NPR2: variants seen among roughly 807,000 people sequenced by gnomAD.
NPR2 encodes atrial natriuretic peptide receptor 2.
A neutral mutation model predicts 120.7 loss-of-function variants in NPR2; 49 were observed. The observed-to-expected ratio is 0.41, with a 90% CI of 0.32 to 0.52. NPR2 has a LOEUF of 0.52. Among genes scored for constraint, NPR2 ranks in the 20% least tolerant of loss-of-function variants. NPR2 has a pLI of 0.36. For synonymous variants in NPR2, 484 were observed against 519.8 expected (o/e 0.93, Z 0.94); for missense variants, 931 against 1,362.9 (o/e 0.68, Z 4.99).
chr9:35,808,106 T>C lies in NPR2; in HGVS notation c.2713-403T>C. On this transcript the variant is annotated intron_variant, in intron 18 of 21. Transcript: ENST00000342694. This position sits in a 1 kb window ranked among gnomAD's most constrained non-coding sequence, Gnocchi z 4.0. Reference sequence around the variant, plus strand: ...CTTTGGCACAATTACCAAAATCAAATGCCTGCTTTCCTCCTCTCTGACAGT... The same window carrying C: ...CTTTGGCACAATTACCAAAATCAAACGCCTGCTTTCCTCCTCTCTGACAGT... 1 of 1,182,076 alleles carries C rather than the reference T, an allele frequency of 8.5e-7. No homozygotes were observed. The highest frequency in any genetic ancestry group is 1.3e-6 in the Non-Finnish European group (1 of 792,202). 73.2% of individuals were successfully genotyped at this position (1,182,076 alleles called of 1,614,324 possible).
At position 35,808,725 on chromosome 9, in the gene NPR2, C is replaced by A; in HGVS notation, c.2888-30C>A. 2 of 1,612,194 alleles carry A rather than the reference C, an allele frequency of 1.2e-6. No individual in the cohort carries two copies. Among genetic ancestry groups the A allele is most frequent in the Non-Finnish European group, 1.7e-6 (2 of 1,178,162 alleles). On this transcript the variant is annotated intron_variant, in intron 19 of 21. Coordinates refer to ENST00000342694, the MANE Select transcript of NPR2 (RefSeq NM_003995.4). This position sits in a 1 kb window ranked among gnomAD's most constrained non-coding sequence, Gnocchi z 4.0. ...CTCCAGCCCTAGTCTCCACCTTTCC[C>A]AGACTCTCCCAACCTGTTTCTTCTC...
At chr9:35,794,791 A>T (rs1827897420) in intron 2 of NPR2, among the ~76,000 whole-genome samples, 1 of 152,026 alleles carries the variant, frequency 6.6e-6, no homozygotes. Context: ...GGAGAGCTCT[A>T]AGTCTTAAGG....
At chr9:35,799,145 T>C (rs1209506119) in intron 2 of NPR2, among the ~76,000 whole-genome samples, 1 of 152,222 alleles carries the variant, frequency 6.6e-6, no homozygotes, top group South Asian at 2.1e-4. Context: ...ATTTTACTGA[T>C]GACATTAACA....
Position 35,808,498 on chromosome 9 carries a change from C to A in NPR2, c.2713-11C>A. 1 of 1,613,788 alleles carries A rather than the reference C, an allele frequency of 6.2e-7. No individual in the cohort carries two copies. Among genetic ancestry groups the A allele is most frequent in the Non-Finnish European group, 8.5e-7 (1 of 1,179,840 alleles). On this transcript the variant is annotated splice_polypyrimidine_tract_variant and intron_variant, in intron 18 of 21. Transcript: ENST00000342694. The surrounding 1 kb of genome is among the most constrained non-coding windows in gnomAD (Gnocchi z 4.0). Reference sequence around the variant, plus strand: ...AAATAGAGGTGACCTTTTAATCCCCCTCTCAATCAGGTGGAGACGATTGGG... The same window carrying A: ...AAATAGAGGTGACCTTTTAATCCCCATCTCAATCAGGTGGAGACGATTGGG...
In NPR2 at chr9:35,808,439, GTC is replaced by G. The variant is rs896340139; in HGVS notation, c.2713-67_2713-66del. On this transcript the variant is annotated intron_variant, in intron 18 of 21. Transcript: ENST00000342694. The surrounding 1 kb of genome is among the most constrained non-coding windows in gnomAD (Gnocchi z 4.0). ...GATGATTAATGATGGTGTCAAGCTT[GTC>G]TCCCTCTACTTTTTCCCATCCCCAT... 1.3e-6 allele frequency: 2 copies of G among 1,529,484 alleles called. No individual in the cohort carries two copies. Among genetic ancestry groups the G allele is most frequent in the African/African-American group, 2.7e-5 (2 of 73,294 alleles). 94.7% of individuals were successfully genotyped at this position (1,529,484 alleles called of 1,614,324 possible). A position where few individuals can be genotyped will look rare whatever the true frequency, so the allele number is the denominator to read the frequency against.
At position 35,808,340 on chromosome 9, in the gene NPR2, G is replaced by A. The variant is rs1828533533; in HGVS notation, c.2713-169G>A. On this transcript the variant is annotated intron_variant, in intron 18 of 21. Transcript: ENST00000342694. The surrounding 1 kb of genome is among the most constrained non-coding windows in gnomAD (Gnocchi z 4.0). The stretch of plus-strand genomic sequence containing the variant: ...AGAAAGAAGACTTAAAGATTCCCTA[G>A]ACATCTCCTCTCCCCTAGACTCAGG... 1 of 1,493,454 alleles carries A rather than the reference G, an allele frequency of 6.7e-7. No individual in the cohort carries two copies. Among genetic ancestry groups the A allele is most frequent in the African/African-American group, 1.4e-5 (1 of 72,788 alleles). The allele number at this position is 1,493,454 out of a possible 1,614,324, so 92.5% of individuals were successfully genotyped here.
At chr9:35,807,481 C>A (rs1398168000) in intron 18 of NPR2, 83 bp downstream of exon 18, 6 of 1,072,794 alleles carry the variant, frequency 5.6e-6, no homozygotes, top group African/African-American at 1.5e-5. Context: ...CCCCACACAC[C>A]TTACCCACCC....
Position 35,806,161 on chromosome 9 carries a change from G to A in NPR2, c.2300G>A (p.Arg767Gln), listed in dbSNP as rs375273933. The A allele has an allele frequency of 3.0e-5, 48 of 1,614,102 alleles. No individual in the cohort carries two copies. Among genetic ancestry groups the A allele is most frequent in the Non-Finnish European group, 4.1e-5 (48 of 1,180,054 alleles). Residue 767 changes from arginine (R) to glutamine (Q), a missense_variant, in exon 15 of 22, where the codon CGA becomes CAA. Transcript: ENST00000342694. This position sits in a 1 kb window ranked among gnomAD's most constrained non-coding sequence, Gnocchi z 4.6. ...LNEELVLLMERCWAQDPAERP... is the reference protein window; with the variant it reads ...LNEELVLLMEQCWAQDPAERP... ...GAAGAGCTAGTTTTGCTGATGGAGC[G>A]ATGTTGGGCTCAGGACCCAGCTGAG...
chr9:35,800,133 A>G lies in NPR2; in HGVS notation c.1099A>G (p.Lys367Glu). 2 of 1,614,078 alleles carry G rather than the reference A, an allele frequency of 1.2e-6. No homozygotes were observed. The highest frequency in any genetic ancestry group is 1.7e-6 in the Non-Finnish European group (2 of 1,179,908). Reference sequence around the variant, plus strand: ...GGAGGATGGACTTCGAATTGTGGAAAAGATGCAGGGACGAAGATATCACGG... The same window carrying G: ...GGAGGATGGACTTCGAATTGTGGAAGAGATGCAGGGACGAAGATATCACGG... Reference protein sequence around the residue: ...TREDGLRIVEKMQGRRYHGVT... With the variant: ...TREDGLRIVEEMQGRRYHGVT... The change falls in exon 4 of 22, where the codon AAG becomes GAG. Residue 367 changes from lysine (K) to glutamate (E), a missense_variant. Coordinates refer to ENST00000342694, the MANE Select transcript of NPR2 (RefSeq NM_003995.4). This position sits in a 1 kb window ranked among gnomAD's most constrained non-coding sequence, Gnocchi z 4.7.
Position 35,808,308 on chromosome 9 carries a change from T to C in NPR2, c.2713-201T>C, listed in dbSNP as rs775843343. ...TGTTTACTGAGTATTCACCAGGTGC[T>C]GGGTGGAGAAAGAAGACTTAAAGAT... On this transcript the variant is annotated intron_variant, in intron 18 of 21. Coordinates refer to ENST00000342694, the MANE Select transcript of NPR2 (RefSeq NM_003995.4). This position sits in a 1 kb window ranked among gnomAD's most constrained non-coding sequence, Gnocchi z 4.0. 6 of 1,600,464 alleles carry C rather than the reference T, an allele frequency of 3.7e-6. No individual in the cohort carries two copies. The South Asian group carries it at 6.6e-5, about 18-fold the overall frequency.
Position 35,792,531 on chromosome 9 carries a change from C to T in NPR2, c.123C>T (p.Ala41=). 6.2e-7 allele frequency: 1 copy of T among 1,611,112 alleles called. No homozygotes were observed. Among genetic ancestry groups the T allele is most frequent in the Non-Finnish European group, 8.5e-7 (1 of 1,179,940 alleles). The change falls in exon 1 of 22, where the codon GCC becomes GCT. Residue 41 remains alanine (A), a synonymous_variant. Transcript: ENST00000342694. Reference sequence around the variant, plus strand: ...AACACAACCTGAGCTATGCCTGGGCCTGGCCACGGGTGGGACCCGCTGTGG... The same window carrying T: ...AACACAACCTGAGCTATGCCTGGGCTTGGCCACGGGTGGGACCCGCTGTGG... The part of the protein sequence containing the change: ...LPEHNLSYAW[A]WPRVGPAVAL...
At position 35,809,264 on chromosome 9, in the gene NPR2, G is replaced by A. The variant is rs1828616559; in HGVS notation, c.3078+17G>A. On this transcript the variant is annotated intron_variant, in intron 21 of 21. Transcript: ENST00000342694. This position sits in a 1 kb window ranked among gnomAD's most constrained non-coding sequence, Gnocchi z 4.1. Reference sequence around the variant, plus strand: ...GAAATGAAGGTGATGGCAGGCCATGGGGAGGGGGGCATGGAAAGGGAGGGT... The same window carrying A: ...GAAATGAAGGTGATGGCAGGCCATGAGGAGGGGGGCATGGAAAGGGAGGGT... 6.2e-7 allele frequency: 1 copy of A among 1,613,040 alleles called. No homozygotes were observed. Among genetic ancestry groups the A allele is most frequent in the Admixed American group, 1.7e-5 (1 of 60,016 alleles).
At position 35,809,567 on chromosome 9, in the gene NPR2, A is replaced by G; in HGVS notation, c.*122A>G. The G allele has an allele frequency of 1.3e-6, 2 of 1,525,068 alleles. No individual in the cohort carries two copies. The highest frequency in any genetic ancestry group is 2.2e-5 in the South Asian group (2 of 89,256). The allele number at this position is 1,525,068 out of a possible 1,614,324, so 94.5% of individuals were successfully genotyped here. A position where few individuals can be genotyped will look rare whatever the true frequency, so the allele number is the denominator to read the frequency against. On this transcript the variant is annotated 3_prime_UTR_variant, in exon 22 of 22. Coordinates refer to ENST00000342694, the MANE Select transcript of NPR2 (RefSeq NM_003995.4). The surrounding 1 kb of genome is among the most constrained non-coding windows in gnomAD (Gnocchi z 4.1). ...ATGCAATGGAAAACAGCCACAAAAA[A>G]ACCTACCTTATATGGAAGTTGTAGC...
In NPR2 at chr9:35,808,174, C is replaced by T. The variant is rs764850952; in HGVS notation, c.2713-335C>T. ...TTTCACTGGGCCTGCTTTACCTCCT[C>T]ACCAGCCTCTGTCCTCTTGAGTTAC... On this transcript the variant is annotated intron_variant, in intron 18 of 21. Coordinates refer to ENST00000342694, the MANE Select transcript of NPR2 (RefSeq NM_003995.4). The surrounding 1 kb of genome is among the most constrained non-coding windows in gnomAD (Gnocchi z 4.0). 23 of 1,613,270 alleles carry T rather than the reference C, an allele frequency of 1.4e-5. No homozygotes were observed. Among genetic ancestry groups the T allele is most frequent in the Admixed American group, 5.0e-5 (3 of 60,024 alleles).
rs1463645251 is a variant in NPR2 at position 35,793,659 on chromosome 9, C to T, written c.668-239C>T. On this transcript the variant is annotated intron_variant, in intron 1 of 21. Coordinates refer to ENST00000342694, the MANE Select transcript of NPR2 (RefSeq NM_003995.4). The stretch of plus-strand genomic sequence containing the variant: ...GGGAAAGGGAGGGGCTTGAGAGTGA[C>T]AGCTCCCTTCCTCTGGGGTCTGGAC... Among the ~76,000 whole-genome samples the T allele has an allele frequency of 4.6e-5, 7 of 152,086 alleles. No individual in the cohort carries two copies. The South Asian group carries it at 1.5e-3, about 32-fold the overall frequency.
chr9:35,800,886 T>C lies in NPR2; in HGVS notation c.1351+45T>C. ...GGGAGCAGCTTTCCTCCCTTTGCTT[T>C]CCATTCATGGCCTCCACCCTCACTG... On this transcript the variant is annotated intron_variant, in intron 6 of 21. Coordinates refer to ENST00000342694, the MANE Select transcript of NPR2 (RefSeq NM_003995.4). The surrounding 1 kb of genome is among the most constrained non-coding windows in gnomAD (Gnocchi z 4.7). The C allele has an allele frequency of 1.9e-6, 3 of 1,613,634 alleles. No individual in the cohort carries two copies. Among genetic ancestry groups the C allele is most frequent in the Non-Finnish European group, 2.5e-6 (3 of 1,179,586 alleles).
Position 35,806,005 on chromosome 9 carries a change from C to T in NPR2, c.2203+20C>T. The T allele has an allele frequency of 6.2e-7, 1 of 1,614,202 alleles. No individual in the cohort carries two copies. Among genetic ancestry groups the T allele is most frequent in the Non-Finnish European group, 8.5e-7 (1 of 1,180,028 alleles). ...CCAAAGGTAAGAGTCAATCCACTAC[C>T]CACAGCCTCTTCTTCCTGGGGGAAC... On this transcript the variant is annotated intron_variant, in intron 14 of 21. Coordinates refer to ENST00000342694, the MANE Select transcript of NPR2 (RefSeq NM_003995.4). This position sits in a 1 kb window ranked among gnomAD's most constrained non-coding sequence, Gnocchi z 4.6.
chr9:35,792,218 G>T lies in NPR2; in HGVS notation c.-191G>T, dbSNP rs879009186. 2.4e-4 allele frequency: 56 copies of T among 232,552 alleles called. No individual in the cohort carries two copies. The highest frequency in any genetic ancestry group is 2.2e-3 in the South Asian group (49 of 22,504). 14.4% of individuals were successfully genotyped at this position (232,552 alleles called of 1,614,324 possible). A position where few individuals can be genotyped will look rare whatever the true frequency, so the allele number is the denominator to read the frequency against. ...TAGGCTGGTAGCCCACTCCTTGCCC[G>T]CCCCCCGCCTTCCTCCCATCTCCCC... On this transcript the variant is annotated 5_prime_UTR_variant, in exon 1 of 22. Transcript: ENST00000342694.
rs1828597195 is a variant in NPR2 at position 35,809,064 on chromosome 9, G to T, written c.2987-92G>T. On this transcript the variant is annotated intron_variant, in intron 20 of 21. Coordinates refer to ENST00000342694, the MANE Select transcript of NPR2 (RefSeq NM_003995.4). This position sits in a 1 kb window ranked among gnomAD's most constrained non-coding sequence, Gnocchi z 4.1. ...ATTGGGAGCTTCCCAGGGATGGTTGGTCGGGCACGGTGCTATACAGTATCA... is the reference window on the plus strand; with the variant it reads ...ATTGGGAGCTTCCCAGGGATGGTTGTTCGGGCACGGTGCTATACAGTATCA... 1.6e-6 allele frequency: 2 copies of T among 1,255,124 alleles called. No homozygotes were observed. The highest frequency in any genetic ancestry group is 2.3e-6 in the Non-Finnish European group (2 of 856,452). 77.7% of individuals were successfully genotyped at this position (1,255,124 alleles called of 1,614,324 possible). A position where few individuals can be genotyped will look rare whatever the true frequency, so the allele number is the denominator to read the frequency against.
Sources: gnomAD v4.1 joint callset for allele counts (sites outside exome capture counted in the v4.1 genomes callset) on GRCh38, gnomAD v4.1.1 for gene constraint, Gnocchi (gnomAD v3.1) non-coding constraint, MANE v1.5 for transcripts, NCBI Gene and HGNC (gene_info 2026-07-23, HGNC 2026-07-21) for gene names.